RBFOX1: variants seen among roughly 807,000 people sequenced by gnomAD.
RBFOX1 encodes RNA binding protein fox-1 homolog 1.
In RBFOX1, 8 loss-of-function variants were observed where a neutral mutation model predicts 57.7. That is an observed-to-expected ratio of 0.14 (90% CI 0.08 to 0.25). The LOEUF is 0.25. Among genes scored for constraint, RBFOX1 ranks in the 10% least tolerant of loss-of-function variants. The pLI, the probability that RBFOX1 is intolerant of heterozygous loss-of-function variation, is 1.00. For missense variants in RBFOX1, 611 were observed against 548.5 expected, an observed-to-expected ratio of 1.11 and a Z score of -1.14; for synonymous variants, 326 against 222.4, an observed-to-expected ratio of 1.47 and a Z score of -4.15.
At chr16:5,572,088 G>A (rs2046303268) in intron 2 of RBFOX1, among the ~76,000 whole-genome samples, 1 of 152,100 alleles carries the variant, frequency 6.6e-6, no homozygotes, top group African/African-American at 2.4e-5. Context: ...TCAGGTGTTT[G>A]CTCTTTCCCT....
At chr16:5,440,650 C>A (rs1016746311) in intron 1 of RBFOX1, among the ~76,000 whole-genome samples, 1 of 152,160 alleles carries the variant, frequency 6.6e-6, no homozygotes, top group Admixed American at 6.5e-5. Context: ...TGGCTGGAGG[C>A]TGTGATCTAC....
At chr16:5,272,778 A>G (rs544663923) in intron 1 of RBFOX1, among the ~76,000 whole-genome samples, 6 of 152,058 alleles carry the variant, frequency 3.9e-5, no homozygotes, top group Admixed American at 3.3e-4. Context: ...TCTGTCATGG[A>G]TTGCTCTGGG....
At position 6,638,270 on chromosome 16, in the gene RBFOX1, G is replaced by A. The variant is rs536394277; in HGVS notation, c.-63-16333G>A. ...TGTAATTATCCTAAACTGTTTTAAG[G>A]TACATTTTTCCTATGCTCATGTAAG... On this transcript the variant is annotated intron_variant, in intron 2 of 15. Transcript: ENST00000550418. Among the ~76,000 whole-genome samples, 5 of 152,152 alleles carry A rather than the reference G, an allele frequency of 3.3e-5. No individual in the cohort carries two copies. The South Asian group carries it at 1.0e-3, about 32-fold the overall frequency.
At chr16:7,213,779 C>T (rs762829541) in intron 4 of RBFOX1, among the ~76,000 whole-genome samples, 2 of 152,182 alleles carry the variant, frequency 1.3e-5, no homozygotes, top group Non-Finnish European at 2.9e-5. Flanking sequence ...CATAAACCAA[C>T]TCAAATCTAC....
At chr16:7,503,451 T>C (rs1026005593) in intron 4 of RBFOX1, among the ~76,000 whole-genome samples, 6 of 152,186 alleles carry the variant, frequency 3.9e-5, no homozygotes, top group African/African-American at 1.4e-4. Context: ...TCAAATTATA[T>C]CTGTAGGGTA....
intron 2 of RBFOX1, among the ~76,000 whole-genome samples, chr16:5,588,709 T>A (rs997607892): frequency 1.3e-5 from 2 of 152,072 alleles, no homozygotes; most frequent in Middle Eastern, 3.2e-3. Context: ...CCACTTTATA[T>A]CCAACAATGA....
At chr16:6,454,914 C>T (rs1354053036) in intron 2 of RBFOX1, among the ~76,000 whole-genome samples, 6 of 136,230 alleles carry the variant, frequency 4.4e-5, no homozygotes, top group South Asian at 4.7e-4. Flanking sequence ...GTTGGCGTCT[C>T]GCCCTGTCAC....
intron 3 of RBFOX1, among the ~76,000 whole-genome samples, chr16:6,971,300 A>T (rs7201031): frequency 0.8 from 121,795 of 152,092 alleles, 49,245 homozygotes; most frequent in African/African-American, 0.92. Context: ...GAGATAGGAA[A>T]GCGAGGACAT....
chr16:6,250,362 C>T (rs745357885), intron 1 of RBFOX1, among the ~76,000 whole-genome samples: 1 of 152,146 alleles, frequency 6.6e-6, no homozygotes, highest in Non-Finnish European at 1.5e-5. Flanking sequence ...AGCGAACTAC[C>T]TCATGACTAG....
intron 4 of RBFOX1, among the ~76,000 whole-genome samples, chr16:7,415,104 A>C (rs1341280702): frequency 6.6e-6 from 1 of 152,232 alleles, no homozygotes; most frequent in Non-Finnish European, 1.5e-5. Context: ...AGCAGTACCA[A>C]CTGTAATCCT....
intron 1 of RBFOX1, among the ~76,000 whole-genome samples, chr16:6,262,191 G>A (rs1230206831): frequency 1.3e-5 from 2 of 152,118 alleles, no homozygotes; most frequent in Non-Finnish European, 1.5e-5. Context: ...CCAAGACAGT[G>A]GCTTGATTTC....
intron 3 of RBFOX1, among the ~76,000 whole-genome samples, chr16:6,963,296 T>C (rs1168772838): frequency 6.6e-6 from 1 of 152,210 alleles, no homozygotes; most frequent in Non-Finnish European, 1.5e-5. Flanking sequence ...ACTTTTTTTT[T>C]TGTTGCTCTT....
intron 3 of RBFOX1, among the ~76,000 whole-genome samples, chr16:5,656,494 A>C (rs772426719): frequency 6.6e-6 from 1 of 152,182 alleles, no homozygotes; most frequent in Non-Finnish European, 1.5e-5. Flanking sequence ...AACATATACA[A>C]CTTGTTAAGT....
intron 1 of RBFOX1, among the ~76,000 whole-genome samples, chr16:6,234,834 C>G (rs2097492988): frequency 6.6e-6 from 1 of 152,046 alleles, no homozygotes; most frequent in Non-Finnish European, 1.5e-5. Flanking sequence ...CACACACACA[C>G]AGGCACACAT....
At chr16:5,505,318 A>G (rs1040973428) in intron 2 of RBFOX1, among the ~76,000 whole-genome samples, 12 of 152,022 alleles carry the variant, frequency 7.9e-5, no homozygotes, top group Non-Finnish European at 1.5e-4. Context: ...CAAAGCCTGC[A>G]TTTTCCCTGC....
At chr16:7,475,377 C>A (rs982406592) in intron 4 of RBFOX1, among the ~76,000 whole-genome samples, 2 of 149,834 alleles carry the variant, frequency 1.3e-5, no homozygotes, top group African/African-American at 4.9e-5. Flanking sequence ...TGCAGTGGCG[C>A]GATCTCGGCT....
chr16:6,185,861 C>T (rs1401980302), intron 1 of RBFOX1, among the ~76,000 whole-genome samples: 1 of 152,112 alleles, frequency 6.6e-6, no homozygotes, highest in Non-Finnish European at 1.5e-5. Flanking sequence ...CTTTCCTTGA[C>T]ATCCTAAAGA....
At chr16:6,774,793 C>G (rs968591219) in intron 3 of RBFOX1, among the ~76,000 whole-genome samples, 1 of 151,798 alleles carries the variant, frequency 6.6e-6, no homozygotes, top group Admixed American at 6.6e-5. Context: ...TGTTTTATAC[C>G]TGAGCTTTCC....
At chr16:5,913,733 C>G (rs555471315) in intron 4 of RBFOX1, among the ~76,000 whole-genome samples, 1 of 152,316 alleles carries the variant, frequency 6.6e-6, no homozygotes, top group South Asian at 2.1e-4. Flanking sequence ...GAATGATATT[C>G]CAAACATTCC....
Sources: allele counts gnomAD v4.1 joint callset (sites outside exome capture counted in the v4.1 genomes callset), GRCh38; gene constraint gnomAD v4.1.1; transcripts MANE v1.5; gene names NCBI Gene and HGNC (gene_info 2026-07-23, HGNC 2026-07-21).